FBN3: variants seen among roughly 807,000 people sequenced by gnomAD.
The protein encoded by FBN3 is fibrillin-3.
Under a neutral mutation model 330.1 loss-of-function variants are expected in FBN3, and 234 were observed. The ratio of observed to expected loss-of-function variants is 0.71; its 90% CI spans 0.64 to 0.79. FBN3 has a LOEUF of 0.79. FBN3 is among the 30% of genes least tolerant of loss of function. FBN3 has a pLI of 0.00. For missense variants in FBN3, 3,606 were observed against 3,886.9 expected, an observed-to-expected ratio of 0.93 and a Z score of 1.92; for synonymous variants, 1,458 against 1,517.3, an observed-to-expected ratio of 0.96 and a Z score of 0.91.
At chr19:8,091,737 T>TC in intron 47 of FBN3, 147 bp from the exon 48 acceptor site, 2 of 818,686 alleles carry the variant, frequency 2.4e-6, no homozygotes, top group Non-Finnish European at 3.8e-6. Context: ...CAGTATGAGC[T>TC]TCAGCACGAG....
chr19:8,086,740 T>A (rs929575078), intron 54 of FBN3, among the ~76,000 whole-genome samples: 1 of 151,654 alleles, frequency 6.6e-6, no homozygotes, highest in Admixed American at 6.6e-5. Flanking sequence ...AGTGCTAGGA[T>A]TACAGGCGTG....
rs747086046 is a variant in FBN3 at position 8,141,803 on chromosome 19, CCCTGGCACAGG to C, written c.768_778del (p.Leu257ArgfsTer22). On this transcript the variant is annotated frameshift_variant, in exon 8 of 64. Transcript: ENST00000600128. LOFTEE classifies it high-confidence loss of function. Reference sequence around the variant, plus strand: ...GCCCACCATGTTGACGCAGCTGCCTCCCTGGCACAGGCCTGGCACAGCCTGGCACTCATCCA... The same window carrying C: ...GCCCACCATGTTGACGCAGCTGCCTCCCTGGCACAGCCTGGCACTCATCCA... The C allele has an allele frequency of 6.2e-6, 10 of 1,614,066 alleles. No individual in the cohort carries two copies. The highest frequency in any genetic ancestry group is 1.3e-5 in the African/African-American group (1 of 74,938).
In FBN3 at chr19:8,075,272, C is replaced by G. The variant is rs200805247; in HGVS notation, c.7582+11G>C. 1.2e-6 allele frequency: 2 copies of G among 1,606,460 alleles called. No homozygotes were observed. The highest frequency in any genetic ancestry group is 1.7e-6 in the Non-Finnish European group (2 of 1,174,700). ...CCCAAACACTAGACCCCAGCCAAAG[C>G]TGGGCTGTACCTTCACAGCCATGGC... On this transcript the variant is annotated intron_variant, in intron 60 of 63. Coordinates refer to ENST00000600128, the MANE Select transcript of FBN3 (RefSeq NM_032447.5).
intron 45 of FBN3, 148 bp from the exon 46 acceptor site, chr19:8,095,651 C>A: frequency 1.2e-6 from 1 of 837,234 alleles, no homozygotes; most frequent in Non-Finnish European, 1.8e-6. Context: ...TAGCCTTCTA[C>A]CTATCTTATG....
At chr19:8,094,689 G>C (rs1056353569) in intron 46 of FBN3, 124 bp from the exon 47 acceptor site, 1 of 1,074,176 alleles carries the variant, frequency 9.3e-7, no homozygotes, top group Non-Finnish European at 1.3e-6. Context: ...CCTCCCAGTG[G>C]CAATTCTGGC....
intron 61 of FBN3, 180 bp downstream of exon 61, chr19:8,074,891 G>A (rs2145375763): frequency 1.4e-6 from 1 of 711,422 alleles, no homozygotes; most frequent in East Asian, 3.0e-5. Flanking sequence ...ACTTTTTGAT[G>A]CTTATTCTGC....
At chr19:8,135,936 G>GGGGCCCCCCCCCCCCCCCCCCC in intron 13 of FBN3, 25 bp downstream of exon 13, 1 of 668,778 alleles carries the variant, frequency 1.5e-6, no homozygotes, top group Non-Finnish European at 2.4e-6. Flanking sequence ...GGAAGCCCCT[G>GGGGCCCCCCCCCCCCCCCCCCC]CCCACCCGCC....
intron 13 of FBN3, 27 bp downstream of exon 13, chr19:8,135,934 C>CAGGGGGGGGG: frequency 3.1e-6 from 4 of 1,284,378 alleles, no homozygotes; most frequent in East Asian, 2.7e-5. Context: ...CCGGAAGCCC[C>CAGGGGGGGGG]TGCCCACCCG....
chr19:8,127,791 T>A lies in FBN3; in HGVS notation c.2297-959A>T, dbSNP rs146787035. Reference sequence around the variant, plus strand: ...TGAGGTCAGGAGTTCGAGACCAGCCTGGCCAACACGATGAAACACCATCTC... The same window carrying A: ...TGAGGTCAGGAGTTCGAGACCAGCCAGGCCAACACGATGAAACACCATCTC... On this transcript the variant is annotated intron_variant, in intron 18 of 63. Coordinates refer to ENST00000600128, the MANE Select transcript of FBN3 (RefSeq NM_032447.5). Among the ~76,000 whole-genome samples the A allele has an allele frequency of 4.7e-3, 722 of 152,306 alleles. 7 individuals are homozygous for A. The highest frequency in any genetic ancestry group is 0.017 in the African/African-American group (688 of 41,574).
intron 28 of FBN3, 69 bp from the exon 29 acceptor site, chr19:8,116,868 C>A: frequency 6.4e-7 from 1 of 1,552,210 alleles, no homozygotes; most frequent in Non-Finnish European, 8.8e-7. Flanking sequence ...CATCTGCTCC[C>A]CAGGCCCCAG....
chr19:8,099,320 G>A (rs1414963537), intron 41 of FBN3, among the ~76,000 whole-genome samples: 27 of 121,228 alleles, frequency 2.2e-4, no homozygotes, highest in African/African-American at 6.9e-4. Context: ...TTGCTCTGTC[G>A]CCCAGGCTAG....
intron 10 of FBN3, among the ~76,000 whole-genome samples, chr19:8,136,897 A>T (rs572451905): frequency 7.1e-6 from 1 of 141,738 alleles, no homozygotes; most frequent in South Asian, 2.3e-4. Context: ...GATCCCTCCA[A>T]CCTGGGGCCT....
At chr19:8,089,729 G>C (rs563067652) in intron 50 of FBN3, 59 bp from the exon 51 acceptor site, 15 of 1,601,914 alleles carry the variant, frequency 9.4e-6, no homozygotes, top group Non-Finnish European at 1.3e-5. Context: ...CCAGAGCCCT[G>C]GCCACACTCA....
At chr19:8,140,988 C>T (rs1286805744) in intron 8 of FBN3, among the ~76,000 whole-genome samples, 2 of 151,490 alleles carry the variant, frequency 1.3e-5, no homozygotes, top group Non-Finnish European at 2.9e-5. Context: ...GTCAGGAGAT[C>T]GAGACCATCC....
At chr19:8,066,954 G>A (rs1284159776) in intron 63 of FBN3, among the ~76,000 whole-genome samples, 2 of 152,004 alleles carry the variant, frequency 1.3e-5, no homozygotes, top group African/African-American at 4.8e-5. Context: ...GGGATCAGCA[G>A]AAGCCCAAAC....
chr19:8,085,105 A>T (rs186020541), intron 56 of FBN3, among the ~76,000 whole-genome samples: 12 of 151,986 alleles, frequency 7.9e-5, no homozygotes, highest in East Asian at 3.9e-4. Flanking sequence ...TCAAAGTGAG[A>T]CTCTGTCTCA....
rs1203805811 is a variant in FBN3 at position 8,147,443 on chromosome 19, AG to A, written c.37del (p.Leu13TrpfsTer102). On this transcript the variant is annotated frameshift_variant, in exon 2 of 64. Transcript: ENST00000600128. LOFTEE classifies it high-confidence loss of function. ...LEGLYLARGP[L>X]ARLLLAWSAL... Reference sequence around the variant, plus strand: ...CGACCAGGCCAGCAGGAGCCGGGCCAGGGGGCCCCTTGCCAAATACAGACCC... The same window carrying A: ...CGACCAGGCCAGCAGGAGCCGGGCCAGGGGCCCCTTGCCAAATACAGACCC... The A allele has an allele frequency of 3.2e-6, 5 of 1,567,054 alleles. No homozygotes were observed. The highest frequency in any genetic ancestry group is 3.9e-5 in the Admixed American group (2 of 51,366).
chr19:8,126,561 A>C lies in FBN3; in HGVS notation c.2461T>G (p.Cys821Gly). ...TCWLKIQESR[C>G]EVNLQGASLR... ...CTGGCTCCCTGAAGGTTCACCTCACAGCGGCTCTCCTGGATCTTCAGCCAG... is the reference window on the plus strand; with the variant it reads ...CTGGCTCCCTGAAGGTTCACCTCACCGCGGCTCTCCTGGATCTTCAGCCAG... Residue 821 changes from cysteine (C) to glycine (G), a missense_variant, in exon 20 of 64, where the codon TGT (cysteine) becomes GGT (glycine). By Grantham distance (159) the Cys-to-Gly change is radical. Transcript: ENST00000600128. 1 of 1,612,056 alleles carries C rather than the reference A, an allele frequency of 6.2e-7. No individual in the cohort carries two copies. The highest frequency in any genetic ancestry group is 8.5e-7 in the Non-Finnish European group (1 of 1,179,964).
intron 45 of FBN3, 22 bp downstream of exon 45, chr19:8,095,942 C>G: frequency 6.6e-7 from 1 of 1,516,034 alleles, no homozygotes; most frequent in Non-Finnish European, 9.2e-7. Context: ...TTGTGGCCAG[C>G]CTGCCACCTG....
Sources: allele counts gnomAD v4.1 joint callset (sites outside exome capture counted in the v4.1 genomes callset), GRCh38; gene constraint gnomAD v4.1.1; transcripts MANE v1.5; gene names NCBI Gene and HGNC (gene_info 2026-07-23, HGNC 2026-07-21).